The following GALNT10 variants were observed in gnomAD, a reference collection of about 807,000 sequenced individuals.
The protein encoded by GALNT10 is polypeptide N-acetylgalactosaminyltransferase 10.
In GALNT10, 41 loss-of-function variants were observed where a neutral mutation model predicts 75.0. The observed-to-expected ratio is 0.55, with a 90% CI of 0.43 to 0.71. The LOEUF (loss-of-function observed/expected upper bound fraction) is 0.71. GALNT10 is among the 30% of genes least tolerant of loss of function. The probability of loss-of-function intolerance (pLI) is 0.00; values close to 1 mark genes in which losing one functional copy is unlikely to be tolerated. For synonymous variants in GALNT10, 302 were observed against 313.0 expected, an observed-to-expected ratio of 0.96 and a Z score of 0.37; for missense variants, 727 against 818.5, an observed-to-expected ratio of 0.89 and a Z score of 1.36.
chr5:154,272,297 G>T (rs1753879596), intron 1 of GALNT10, among the ~76,000 whole-genome samples: 1 of 152,206 alleles, frequency 6.6e-6, no homozygotes, highest in Non-Finnish European at 1.5e-5. Flanking sequence ...GGAGTGATCG[G>T]TAGTGGCTTA....
intron 4 of GALNT10, among the ~76,000 whole-genome samples, chr5:154,355,403 C>T (rs2113148757): frequency 6.6e-6 from 1 of 152,372 alleles, no homozygotes; most frequent in East Asian, 1.9e-4. Flanking sequence ...CCAGCCCTCT[C>T]TTCCCTGGAG....
Position 154,416,084 on chromosome 5 carries a change from A to G in GALNT10, c.1653+152A>G, listed in dbSNP as rs1256015544. On this transcript the variant is annotated intron_variant, in intron 11 of 11. Transcript: ENST00000297107. This position sits in a 1 kb window ranked among gnomAD's most constrained non-coding sequence, Gnocchi z 4.5. ...ATTTTGTAGTCATTCAAGAGTAGTCAGAAATCTAGACTTCACTGTGAAATC... is the reference window on the plus strand; with the variant it reads ...ATTTTGTAGTCATTCAAGAGTAGTCGGAAATCTAGACTTCACTGTGAAATC... The G allele has an allele frequency of 2.9e-6, 2 of 692,610 alleles. No individual in the cohort carries two copies. The highest frequency in any genetic ancestry group is 4.8e-6 in the Non-Finnish European group (2 of 415,286). The allele number at this position is 692,610 out of a possible 1,614,324, so 42.9% of individuals were successfully genotyped here. A position where few individuals can be genotyped will look rare whatever the true frequency, so the allele number is the denominator to read the frequency against.
At chr5:154,335,642 A>C (rs1754935678) in intron 4 of GALNT10, among the ~76,000 whole-genome samples, 1 of 152,128 alleles carries the variant, frequency 6.6e-6, no homozygotes, top group African/African-American at 2.4e-5. Flanking sequence ...TTTTTCTTTT[A>C]ATAGACCTTA....
At chr5:154,369,378 A>T (rs1755528772) in intron 4 of GALNT10, among the ~76,000 whole-genome samples, 1 of 152,094 alleles carries the variant, frequency 6.6e-6, no homozygotes, top group East Asian at 1.9e-4. Context: ...ACAAAGTGAG[A>T]CCTCGTCTCA....
intron 8 of GALNT10, among the ~76,000 whole-genome samples, chr5:154,407,772 T>G (rs1255100192): frequency 6.6e-6 from 1 of 152,176 alleles, no homozygotes; most frequent in African/African-American, 2.4e-5. Flanking sequence ...AGGGGCCTGG[T>G]GGGGATAAAC....
chr5:154,403,645 T>C (rs1402741973), intron 7 of GALNT10: 2 of 194,866 alleles, frequency 1.0e-5, no homozygotes, highest in African/African-American at 4.8e-5. Context: ...CACCATGGTC[T>C]TTCCCACTGA....
intron 3 of GALNT10, among the ~76,000 whole-genome samples, chr5:154,322,971 C>T (rs1205913674): frequency 6.6e-6 from 1 of 152,184 alleles, no homozygotes; most frequent in Non-Finnish European, 1.5e-5. Flanking sequence ...CTGTGCTAGG[C>T]TAAGCATAAA....
At position 154,413,023 on chromosome 5, in the gene GALNT10, G is replaced by A. The variant is rs182274843; in HGVS notation, c.1503+18G>A. On this transcript the variant is annotated intron_variant, in intron 10 of 11. Coordinates refer to ENST00000297107, the MANE Select transcript of GALNT10 (RefSeq NM_198321.4). The stretch of plus-strand genomic sequence containing the variant: ...ACATGCAGGTAAGGGCCGCCCCTCA[G>A]GGACTGGCAGCCAGGTTCTCTGAAA... The A allele has an allele frequency of 1.7e-4, 248 of 1,485,428 alleles. No individual in the cohort carries two copies. In the African/African-American group the frequency reaches 3.2e-3, roughly 19 times the overall value. 92.0% of individuals were successfully genotyped at this position (1,485,428 alleles called of 1,614,324 possible). A position where few individuals can be genotyped will look rare whatever the true frequency, so the allele number is the denominator to read the frequency against.
At chr5:154,253,046 G>GT (rs1195881867) in intron 1 of GALNT10, among the ~76,000 whole-genome samples, 2 of 135,156 alleles carry the variant, frequency 1.5e-5, no homozygotes, top group East Asian at 2.3e-4. Context: ...TTGTGAAATG[G>GT]TTTTTTTTCT....
At chr5:154,294,787 AT>A in intron 1 of GALNT10, 28 bp from the exon 2 acceptor site, 1 of 1,223,572 alleles carries the variant, frequency 8.2e-7, no homozygotes, top group Non-Finnish European at 1.2e-6. Context: ...GCCCTTTTCT[AT>A]TTTTCATAGT....
chr5:154,320,527 GT>G (rs1214918320), intron 3 of GALNT10, among the ~76,000 whole-genome samples: 1 of 152,148 alleles, frequency 6.6e-6, no homozygotes, highest in Non-Finnish European at 1.5e-5. Context: ...GAAATTAGAT[GT>G]TAAGGCAGGA....
chr5:154,269,864 G>A (rs978406373), intron 1 of GALNT10, among the ~76,000 whole-genome samples: 2 of 152,224 alleles, frequency 1.3e-5, no homozygotes, highest in African/African-American at 4.8e-5. Flanking sequence ...GAAGCCCACA[G>A]TGACACCAAG....
chr5:154,369,732 G>A (rs1755536193), intron 4 of GALNT10, among the ~76,000 whole-genome samples: 1 of 152,168 alleles, frequency 6.6e-6, no homozygotes, highest in African/African-American at 2.4e-5. Flanking sequence ...CAAGACCCGG[G>A]ACACCTACAG....
chr5:154,409,786 C>T lies in GALNT10; in HGVS notation c.1386+24C>T, dbSNP rs567297979. The T allele has an allele frequency of 4.6e-6, 7 of 1,516,110 alleles. No individual in the cohort carries two copies. The African/African-American group carries it at 8.2e-5, about 18-fold the overall frequency. 93.9% of individuals were successfully genotyped at this position (1,516,110 alleles called of 1,614,324 possible). ...AGGTGAGTCTGGAGGGCAGGGCTGG[C>T]TCCATAATTTAATGGGTGTGCAAAA... On this transcript the variant is annotated intron_variant, in intron 9 of 11. Transcript: ENST00000297107. The surrounding 1 kb of genome is among the most constrained non-coding windows in gnomAD (Gnocchi z 4.5).
At chr5:154,390,075 C>T (rs1246946674) in intron 7 of GALNT10, among the ~76,000 whole-genome samples, 1 of 152,168 alleles carries the variant, frequency 6.6e-6, no homozygotes, top group Non-Finnish European at 1.5e-5. Flanking sequence ...AGATGGCAAT[C>T]AACATTAATT....
intron 1 of GALNT10, among the ~76,000 whole-genome samples, chr5:154,257,764 A>G (rs1287840147): frequency 6.6e-6 from 1 of 152,100 alleles, no homozygotes; most frequent in Non-Finnish European, 1.5e-5. Flanking sequence ...GGGTCTTAAC[A>G]TAGCTTCCTG....
chr5:154,338,302 A>G, intron 4 of GALNT10: 1 of 596,188 alleles, frequency 1.7e-6, no homozygotes, highest in Non-Finnish European at 3.0e-6. Flanking sequence ...TTACCACACA[A>G]TCTCTGACCA....
intron 1 of GALNT10, among the ~76,000 whole-genome samples, chr5:154,239,528 T>A (rs1753299065): frequency 6.6e-6 from 1 of 152,182 alleles, no homozygotes; most frequent in Non-Finnish European, 1.5e-5. Flanking sequence ...TTTCTGAGAA[T>A]CTAATAATAA....
chr5:154,254,737 C>T (rs1008824002), intron 1 of GALNT10, among the ~76,000 whole-genome samples: 5 of 152,070 alleles, frequency 3.3e-5, no homozygotes, highest in Admixed American at 2.0e-4. Flanking sequence ...TTACAGCTTG[C>T]TGGGTATATA....
Sources: allele counts gnomAD v4.1 joint callset (sites outside exome capture counted in the v4.1 genomes callset), GRCh38; gene constraint gnomAD v4.1.1; non-coding constraint Gnocchi (gnomAD v3.1); transcripts MANE v1.5; gene names NCBI Gene and HGNC (gene_info 2026-07-23, HGNC 2026-07-21).